Variants in ALDH18A1 observed in about 807,000 individuals in gnomAD.
The protein encoded by ALDH18A1 is aldehyde dehydrogenase 18 family member A1, also known as delta-1-pyrroline-5-carboxylate synthase.
ALDH18A1 carries 44 observed loss-of-function variants against 88.8 expected under a neutral mutation model. That is an observed-to-expected ratio of 0.50 (90% confidence interval 0.39 to 0.64). ALDH18A1 has a LOEUF of 0.64. ALDH18A1 is among the 30% of genes least tolerant of loss of function. ALDH18A1 has a pLI of 0.00. For synonymous variants in ALDH18A1, 331 were observed against 372.1 expected, an observed-to-expected ratio of 0.89 and a Z score of 1.27; for missense variants, 782 against 1,009.5, an observed-to-expected ratio of 0.77 and a Z score of 3.05.
In ALDH18A1 at chr10:95,621,270, G is replaced by C. The variant is rs772575442; in HGVS notation, c.1247-19C>G. The C allele has an allele frequency of 1.0e-5, 16 of 1,601,304 alleles. No individual in the cohort carries two copies. In the Admixed American group the frequency reaches 2.7e-4, roughly 27 times the overall value. ...AGTCTCCCTGAAAAGCCATTAAGAG[G>C]ATATGATAAAGTAGCAGACCTGGCA... On this transcript the variant is annotated intron_variant, in intron 11 of 17. Coordinates refer to ENST00000371224, the MANE Select transcript of ALDH18A1 (RefSeq NM_002860.4).
At chr10:95,634,103 A>AC (rs2139612249) in intron 5 of ALDH18A1, among the ~76,000 whole-genome samples, 1 of 152,272 alleles carries the variant, frequency 6.6e-6, no homozygotes, top group Non-Finnish European at 1.5e-5. Context: ...AGATAAAAAA[A>AC]ATTACAATAA....
rs2097870590 is a variant in ALDH18A1, at chr10:95,631,882, CT to C, written c.808+1076del. Among the ~76,000 whole-genome samples the C allele has an allele frequency of 3.3e-5, 5 of 152,024 alleles. No individual in the cohort carries two copies. The South Asian group carries it at 1.0e-3, about 32-fold the overall frequency. ...AACAGTCTAGTAGCTCCTCAAAAGTCTTTTAAACAGAGTTACCATATGACCC... is the reference window on the plus strand; with the variant it reads ...AACAGTCTAGTAGCTCCTCAAAAGTCTTTAAACAGAGTTACCATATGACCC... On this transcript the variant is annotated intron_variant, in intron 7 of 17. Transcript: ENST00000371224.
chr10:95,655,632 G>A (rs999461659), intron 1 of ALDH18A1, among the ~76,000 whole-genome samples: 1 of 151,894 alleles, frequency 6.6e-6, no homozygotes, highest in Admixed American at 6.6e-5. Context: ...ACCAGGCAGA[G>A]TGTATTACGC....
At chr10:95,636,755 C>T (rs1415721983) in intron 5 of ALDH18A1, among the ~76,000 whole-genome samples, 1 of 152,210 alleles carries the variant, frequency 6.6e-6, no homozygotes, top group Non-Finnish European at 1.5e-5. Context: ...CATTTAACTT[C>T]TCTGTCTTCA....
intron 17 of ALDH18A1, among the ~76,000 whole-genome samples, chr10:95,608,374 T>C (rs916722686): frequency 1.5e-4 from 23 of 152,230 alleles, no homozygotes; most frequent in Non-Finnish European, 1.5e-5. Context: ...GAACTAAAAA[T>C]AAAGAGTATC....
In ALDH18A1 at chr10:95,617,179, G is replaced by A. The variant is rs924463254; in HGVS notation, c.1468-565C>T. ...AGAGACTTTCTTGAGCCTGGGAGGC[G>A]GAGGCTGCAGTCAGCCGAGATTGCA... is the stretch of plus-strand genomic sequence containing the variant. On this transcript the variant is annotated intron_variant, in intron 12 of 17. Transcript: ENST00000371224. 9.2e-5 allele frequency among the ~76,000 whole-genome samples: 14 copies of A among 152,288 alleles called. No homozygotes were observed. The East Asian group carries it at 1.4e-3, about 15-fold the overall frequency.
At chr10:95,628,907 C>A (rs1566020730) in intron 7 of ALDH18A1, 1 of 249,554 alleles carries the variant, frequency 4.0e-6, no homozygotes, top group East Asian at 9.4e-5. Flanking sequence ...GTGACTGTTT[C>A]CAAGCAGGAT....
chr10:95,631,742 CAAA>C lies in ALDH18A1; in HGVS notation c.808+1214_808+1216del, dbSNP rs71034341. On this transcript the variant is annotated intron_variant, in intron 7 of 17. Coordinates refer to ENST00000371224, the MANE Select transcript of ALDH18A1 (RefSeq NM_002860.4). The stretch of plus-strand genomic sequence containing the variant: ...TGGGTGACAGGATAAGGCTCTGCCT[CAAA>C]AAAAAAAAAAAAAAAAAAAACAACT... Among the ~76,000 whole-genome samples, 94 of 76,474 alleles carry C rather than the reference CAAA, an allele frequency of 1.2e-3. 1 individual carries two copies. The highest frequency in any genetic ancestry group is 0.011 in the East Asian group (28 of 2,520). The allele number at this position is 76,474 out of a possible 152,430, so 50.2% of individuals were successfully genotyped here.
At chr10:95,618,401 A>T (rs1319198010) in intron 12 of ALDH18A1, among the ~76,000 whole-genome samples, 2 of 152,096 alleles carry the variant, frequency 1.3e-5, no homozygotes, top group Non-Finnish European at 2.9e-5. Flanking sequence ...ACTCACTGCA[A>T]CCTCTGCCTC....
At chr10:95,647,381 A>C (rs2097903007) in intron 2 of ALDH18A1, among the ~76,000 whole-genome samples, 2 of 152,226 alleles carry the variant, frequency 1.3e-5, no homozygotes, top group African/African-American at 4.8e-5. Context: ...GGTAGGGTGG[A>C]TAAAACAAGT....
chr10:95,610,329 T>C (rs749860654), intron 16 of ALDH18A1, 37 bp from the exon 17 acceptor site: 2 of 1,599,668 alleles, frequency 1.3e-6, no homozygotes, highest in Admixed American at 1.7e-5. Context: ...GTTAGGATGA[T>C]ACCCAGAGAA....
intron 11 of ALDH18A1, among the ~76,000 whole-genome samples, chr10:95,622,875 T>C (rs1335315224): frequency 6.6e-6 from 1 of 152,084 alleles, no homozygotes; most frequent in Non-Finnish European, 1.5e-5. Flanking sequence ...CATGATGTGA[T>C]TCCCTCTCTC....
At chr10:95,647,981 T>G (rs61871793) in intron 2 of ALDH18A1, among the ~76,000 whole-genome samples, 38,522 of 152,198 alleles carry the variant, frequency 0.25, 6,315 homozygotes, top group Admixed American at 0.38. Flanking sequence ...TCCTTTGTAA[T>G]AAATTGGTAA....
intron 2 of ALDH18A1, 65 bp downstream of exon 2, chr10:95,653,225 C>T (rs1441098822): frequency 5.0e-6 from 7 of 1,401,046 alleles, no homozygotes; most frequent in Non-Finnish European, 6.1e-6. Flanking sequence ...TCTTTGAAAA[C>T]CTTGTTGAAA....
intron 5 of ALDH18A1, among the ~76,000 whole-genome samples, 163 bp from the exon 6 acceptor site, chr10:95,633,812 C>CTTTTTTTTTTT (rs869056809): frequency 3.9e-5 from 4 of 103,274 alleles, no homozygotes; most frequent in Admixed American, 1.1e-4. Flanking sequence ...CTATCCAATT[C>CTTTTTTTTTTT]TTTTTTTTTT....
chr10:95,653,277 C>G lies in ALDH18A1; in HGVS notation c.88+13G>C. ...AACGTCCCACATACTCATAAGTTTT[C>G]TATGGTACATACGAGATCTGAAGAC... On this transcript the variant is annotated intron_variant, in intron 2 of 17. Coordinates refer to ENST00000371224, the MANE Select transcript of ALDH18A1 (RefSeq NM_002860.4). The G allele has an allele frequency of 6.2e-7, 1 of 1,602,870 alleles. No homozygotes were observed. Among genetic ancestry groups the G allele is most frequent in the South Asian group, 1.1e-5 (1 of 90,738 alleles).
At chr10:95,614,491 G>T (rs1466891446) in intron 13 of ALDH18A1, among the ~76,000 whole-genome samples, 1 of 152,192 alleles carries the variant, frequency 6.6e-6, no homozygotes, top group Non-Finnish European at 1.5e-5. Context: ...TTTTTAAAAT[G>T]CCAGAAGCAG....
chr10:95,655,732 G>C (rs983650928), intron 1 of ALDH18A1, among the ~76,000 whole-genome samples: 2 of 151,878 alleles, frequency 1.3e-5, no homozygotes, highest in East Asian at 3.9e-4. Context: ...GTCTAGATTT[G>C]TGTGACTGTG....
chr10:95,629,453 T>C (rs915974625), intron 7 of ALDH18A1, among the ~76,000 whole-genome samples: 2 of 152,130 alleles, frequency 1.3e-5, no homozygotes, highest in African/African-American at 4.8e-5. Flanking sequence ...CAATGCCCAT[T>C]GTAGAGCAAA....
Sources: allele counts gnomAD v4.1 joint callset (sites outside exome capture counted in the v4.1 genomes callset), GRCh38; gene constraint gnomAD v4.1.1; transcripts MANE v1.5; gene names NCBI Gene and HGNC (gene_info 2026-07-23, HGNC 2026-07-21).